The following LRRC4C variants were observed in gnomAD, a reference collection of about 807,000 sequenced individuals.
LRRC4C encodes the protein leucine rich repeat containing 4C.
In LRRC4C, 5 loss-of-function variants were observed where a neutral mutation model predicts 33.6. The observed-to-expected ratio is 0.15, with a 90% CI of 0.08 to 0.31. The LOEUF is 0.31. LRRC4C is among the 10% of genes least tolerant of loss of function. The probability of loss-of-function intolerance (pLI) is 1.00; values close to 1 mark genes in which losing one functional copy is unlikely to be tolerated. For synonymous variants in LRRC4C, 329 were observed against 302.0 expected, an observed-to-expected ratio of 1.09 and a Z score of -0.93; for missense variants, 560 against 796.7, an observed-to-expected ratio of 0.70 and a Z score of 3.58.
chr11:40,164,853 A>G (rs112644630), intron 5 of LRRC4C, among the ~76,000 whole-genome samples: 3 of 152,352 alleles, frequency 2.0e-5, no homozygotes, highest in African/African-American at 7.2e-5. Context: ...TCAATATATC[A>G]TATGCACCCC....
chr11:40,190,581 CA>C (rs532949536), intron 5 of LRRC4C, among the ~76,000 whole-genome samples: 60 of 152,246 alleles, frequency 3.9e-4, no homozygotes, highest in Admixed American at 1.8e-3. Context: ...TCAATTAGAA[CA>C]TGAACTCGAA....
chr11:40,908,766 T>A (rs1481752941), intron 2 of LRRC4C, among the ~76,000 whole-genome samples: 1 of 152,154 alleles, frequency 6.6e-6, no homozygotes, highest in Non-Finnish European at 1.5e-5. Context: ...TTATTCATTT[T>A]CTAAATAATA....
chr11:40,387,366 T>C (rs936366976), intron 3 of LRRC4C, among the ~76,000 whole-genome samples: 3 of 152,186 alleles, frequency 2.0e-5, no homozygotes, highest in Non-Finnish European at 4.4e-5. Context: ...CACAGATGTT[T>C]GGGGACATTT....
intron 3 of LRRC4C, among the ~76,000 whole-genome samples, chr11:40,640,559 G>A (rs985909927): frequency 1.3e-4 from 19 of 151,600 alleles, no homozygotes; most frequent in African/African-American, 4.6e-4. Flanking sequence ...TTTTAAATAG[G>A]TTATAACAAT....
chr11:40,617,918 A>C (rs1284477426), intron 3 of LRRC4C, among the ~76,000 whole-genome samples: 1 of 151,634 alleles, frequency 6.6e-6, no homozygotes, highest in Non-Finnish European at 1.5e-5. Flanking sequence ...AGACTTTTTG[A>C]AATGAGGAAT....
intron 2 of LRRC4C, among the ~76,000 whole-genome samples, chr11:40,766,627 G>A (rs190144980): frequency 4.2e-4 from 64 of 152,120 alleles, no homozygotes; most frequent in African/African-American, 1.5e-3. Context: ...AAGTTAAAAT[G>A]TAGAGTATGT....
intron 2 of LRRC4C, among the ~76,000 whole-genome samples, chr11:40,702,722 A>C (rs985130979): frequency 6.6e-6 from 1 of 152,068 alleles, no homozygotes; most frequent in Non-Finnish European, 1.5e-5. Context: ...CACCAAGACT[A>C]CCCATCAACC....
intron 1 of LRRC4C, among the ~76,000 whole-genome samples, chr11:41,067,590 C>T (rs917360947): frequency 2.0e-5 from 3 of 152,322 alleles, no homozygotes; most frequent in South Asian, 2.1e-4. Context: ...GAACTCTCCA[C>T]CCCAAATGAA....
chr11:41,008,018 C>A (rs529715135), intron 1 of LRRC4C, among the ~76,000 whole-genome samples: 1 of 152,182 alleles, frequency 6.6e-6, no homozygotes, highest in African/African-American at 2.4e-5. Flanking sequence ...CTTCCATTTT[C>A]TTTCGTATTC....
chr11:40,628,339 G>T (rs1314833839), intron 3 of LRRC4C, among the ~76,000 whole-genome samples: 1 of 152,072 alleles, frequency 6.6e-6, no homozygotes, highest in African/African-American at 2.4e-5. Flanking sequence ...TTAGCCGGGC[G>T]TGGTGGCGGG....
In LRRC4C at chr11:40,939,228, G is replaced by C. The variant is rs144099543; in HGVS notation, c.-495-5505C>G. ...TGTTTAAAATATGAATTTTGAATGA[G>C]ATTTAATTTTAAAAAGGTGGCACAA... is the stretch of plus-strand genomic sequence containing the variant. On this transcript the variant is annotated intron_variant, in intron 1 of 6. Transcript: ENST00000528697. Among the ~76,000 whole-genome samples the C allele has an allele frequency of 2.2e-3, 337 of 152,226 alleles. 1 individual carries two copies. Among genetic ancestry groups the C allele is most frequent in the Middle Eastern group, 6.8e-3 (2 of 294 alleles).
chr11:41,310,509 T>A (rs1950616653), intron 1 of LRRC4C, among the ~76,000 whole-genome samples: 3 of 152,222 alleles, frequency 2.0e-5, no homozygotes, highest in Admixed American at 2.0e-4. Context: ...TTGTGTTAGT[T>A]TCCTCAACCA....
chr11:40,568,392 C>A (rs1565513022), intron 3 of LRRC4C, among the ~76,000 whole-genome samples: 1 of 152,214 alleles, frequency 6.6e-6, no homozygotes, highest in Non-Finnish European at 1.5e-5. Context: ...TGATTGCAGG[C>A]TTTTGAGAGC....
chr11:40,357,249 G>T (rs1230003516), intron 3 of LRRC4C, among the ~76,000 whole-genome samples: 1 of 152,032 alleles, frequency 6.6e-6, no homozygotes, highest in Non-Finnish European at 1.5e-5. Context: ...TTAAAAATAT[G>T]GTTATATTTT....
At chr11:40,671,291 G>A (rs374786516) in intron 2 of LRRC4C, among the ~76,000 whole-genome samples, 3 of 152,130 alleles carry the variant, frequency 2.0e-5, no homozygotes, top group South Asian at 2.1e-4. Flanking sequence ...TGCATTACTG[G>A]TCTTTGAAAT....
At chr11:40,127,070 A>G (rs879748737) in intron 6 of LRRC4C, among the ~76,000 whole-genome samples, 3 of 152,128 alleles carry the variant, frequency 2.0e-5, no homozygotes, top group Non-Finnish European at 4.4e-5. Context: ...TGAGGTTAAG[A>G]GATCGAGACC....
chr11:40,988,745 G>A (rs1371303375), intron 1 of LRRC4C, among the ~76,000 whole-genome samples: 1 of 130,030 alleles, frequency 7.7e-6, no homozygotes, highest in Non-Finnish European at 1.6e-5. Flanking sequence ...GAGACAGAGT[G>A]TCGTTAGGTC....
chr11:40,394,357 G>A (rs1002018112), intron 3 of LRRC4C, among the ~76,000 whole-genome samples: 1 of 152,112 alleles, frequency 6.6e-6, no homozygotes, highest in Non-Finnish European at 1.5e-5. Context: ...TTGACTTTCA[G>A]CTAAGAATTA....
intron 2 of LRRC4C, among the ~76,000 whole-genome samples, chr11:40,895,725 C>A (rs1307556361): frequency 6.6e-6 from 1 of 152,144 alleles, no homozygotes; most frequent in African/African-American, 2.4e-5. Flanking sequence ...TGGATACTTT[C>A]TACAGCCTAC....
Sources: gnomAD v4.1 joint callset for allele counts (sites outside exome capture counted in the v4.1 genomes callset) on GRCh38, gnomAD v4.1.1 for gene constraint, MANE v1.5 for transcripts, NCBI Gene and HGNC (gene_info 2026-07-23, HGNC 2026-07-21) for gene names.